Variants in PIP5K1B observed in about 807,000 individuals in gnomAD.
PIP5K1B encodes the protein phosphatidylinositol 4-phosphate 5-kinase type-1 beta.
A neutral mutation model predicts 67.0 loss-of-function variants in PIP5K1B; 42 were observed. The ratio of observed to expected loss-of-function variants is 0.63; its 90% CI spans 0.49 to 0.81. PIP5K1B has a LOEUF of 0.81. Among genes scored for constraint, PIP5K1B ranks in the 30% least tolerant of loss-of-function variants. PIP5K1B has a pLI of 0.00. For missense variants in PIP5K1B, 459 were observed against 646.3 expected (o/e 0.71, Z 3.14); for synonymous variants, 214 against 231.4 (o/e 0.92, Z 0.68).
At chr9:68,879,320 C>T (rs1174798654) in intron 6 of PIP5K1B, among the ~76,000 whole-genome samples, 1 of 152,188 alleles carries the variant, frequency 6.6e-6, no homozygotes, top group Non-Finnish European at 1.5e-5. Flanking sequence ...GTAATCCCAG[C>T]ACCTCAGGAG....
At chr9:68,977,894 A>C (rs1829706412) in intron 14 of PIP5K1B, among the ~76,000 whole-genome samples, 1 of 151,694 alleles carries the variant, frequency 6.6e-6, no homozygotes, top group Admixed American at 6.6e-5. Context: ...TGATCCACCC[A>C]CCTTGGCCTC....
chr9:68,842,800 A>T (rs982300197), intron 4 of PIP5K1B, among the ~76,000 whole-genome samples: 4 of 152,248 alleles, frequency 2.6e-5, no homozygotes, highest in Non-Finnish European at 5.9e-5. Flanking sequence ...AAATGTCAAT[A>T]GTGCCAAAGT....
chr9:68,944,646 C>T (rs1827715615), intron 14 of PIP5K1B, among the ~76,000 whole-genome samples: 1 of 152,154 alleles, frequency 6.6e-6, no homozygotes, highest in Admixed American at 6.5e-5. Context: ...GCAAAGGCTC[C>T]CTAAATGATG....
intron 1 of PIP5K1B, among the ~76,000 whole-genome samples, chr9:68,714,989 G>A (rs1159372600): frequency 6.6e-6 from 1 of 152,128 alleles, no homozygotes; most frequent in African/African-American, 2.4e-5. Flanking sequence ...GGCCACCATA[G>A]CAGAGAAATT....
chr9:68,968,158 G>A (rs542484289), intron 14 of PIP5K1B, among the ~76,000 whole-genome samples: 1 of 152,264 alleles, frequency 6.6e-6, no homozygotes, highest in South Asian at 2.1e-4. Context: ...TATATAAAGT[G>A]GAATCATAAT....
At chr9:68,929,736 C>T (rs1053031610) in intron 12 of PIP5K1B, among the ~76,000 whole-genome samples, 1 of 152,198 alleles carries the variant, frequency 6.6e-6, no homozygotes, top group African/African-American at 2.4e-5. Context: ...GTGGCACTAT[C>T]TCAGCTCACT....
intron 2 of PIP5K1B, among the ~76,000 whole-genome samples, chr9:68,769,401 G>C (rs749500255): frequency 6.6e-6 from 1 of 152,088 alleles, no homozygotes; most frequent in African/African-American, 2.4e-5. Context: ...CTGATGGTCA[G>C]ATCTGTTAGG....
intron 1 of PIP5K1B, among the ~76,000 whole-genome samples, chr9:68,716,464 C>T (rs535427373): frequency 6.6e-6 from 1 of 152,128 alleles, no homozygotes; most frequent in South Asian, 2.1e-4. Context: ...ATAGAAGTGC[C>T]CAAGAAACAT....
intron 14 of PIP5K1B, among the ~76,000 whole-genome samples, chr9:68,964,464 C>T (rs1828917900): frequency 6.6e-6 from 1 of 152,194 alleles, no homozygotes; most frequent in Non-Finnish European, 1.5e-5. Context: ...TCTGTGGTTG[C>T]CTTGCTGTGA....
chr9:68,930,153 C>T (rs1826919142), intron 12 of PIP5K1B, among the ~76,000 whole-genome samples: 1 of 152,192 alleles, frequency 6.6e-6, no homozygotes, highest in Admixed American at 6.5e-5. Context: ...GGTTGCTCCT[C>T]AGGGTCCAGG....
chr9:68,919,621 A>C, intron 10 of PIP5K1B, 59 bp downstream of exon 10: 1 of 1,413,344 alleles, frequency 7.1e-7, no homozygotes, highest in Non-Finnish European at 1.0e-6. Flanking sequence ...AAAGGTTCTG[A>C]AAAATCACCA....
At chr9:68,863,117 G>T (rs976642692) in intron 4 of PIP5K1B, among the ~76,000 whole-genome samples, 2 of 152,064 alleles carry the variant, frequency 1.3e-5, no homozygotes, top group African/African-American at 4.8e-5. Flanking sequence ...CTTTGTGGTG[G>T]GAGCTGTCCT....
At chr9:68,941,607 TA>T (rs879369396) in intron 14 of PIP5K1B, among the ~76,000 whole-genome samples, 1 of 152,194 alleles carries the variant, frequency 6.6e-6, no homozygotes, top group Non-Finnish European at 1.5e-5. Context: ...AAAAAATAAG[TA>T]AAATAACAAT....
intron 1 of PIP5K1B, among the ~76,000 whole-genome samples, chr9:68,740,290 T>G (rs1828942064): frequency 1.3e-5 from 2 of 152,256 alleles, no homozygotes; most frequent in South Asian, 4.1e-4. Flanking sequence ...TTAAAGCCTT[T>G]AGGACATGGA....
intron 2 of PIP5K1B, among the ~76,000 whole-genome samples, chr9:68,744,669 T>G (rs995272065): frequency 6.6e-6 from 1 of 152,078 alleles, no homozygotes; most frequent in Non-Finnish European, 1.5e-5. Context: ...TAGGAAAGCT[T>G]TTACTAGGCA....
At chr9:68,878,054 T>TGTGTGTGTGTGTGTG (rs57528951) in intron 6 of PIP5K1B, among the ~76,000 whole-genome samples, 1 of 147,966 alleles carries the variant, frequency 6.8e-6, no homozygotes. Flanking sequence ...TGTGTGTGTG[T>TGTGTGTGTGTGTGTG]TAGAGAACAC....
chr9:68,732,725 A>T (rs1486324854), intron 1 of PIP5K1B, among the ~76,000 whole-genome samples: 2 of 152,276 alleles, frequency 1.3e-5, no homozygotes, highest in African/African-American at 4.8e-5. Context: ...TTTTTGGGAG[A>T]GCTCAGAGTT....
intron 1 of PIP5K1B, among the ~76,000 whole-genome samples, chr9:68,742,094 C>T (rs1829037663): frequency 6.6e-6 from 1 of 152,160 alleles, no homozygotes; most frequent in Admixed American, 6.5e-5. Flanking sequence ...TTATGGGTTA[C>T]ATTGGTTTTG....
chr9:68,994,804 T>C (rs1221621610), intron 15 of PIP5K1B, among the ~76,000 whole-genome samples: 1 of 152,098 alleles, frequency 6.6e-6, no homozygotes, highest in Non-Finnish European at 1.5e-5. Flanking sequence ...ATTAATCGTT[T>C]CCCTTGAATT....
Sources: allele counts gnomAD v4.1 joint callset (sites outside exome capture counted in the v4.1 genomes callset), GRCh38; gene constraint gnomAD v4.1.1; transcripts MANE v1.5; gene names NCBI Gene and HGNC (gene_info 2026-07-23, HGNC 2026-07-21).